Variants in RIGI observed in about 807,000 individuals in gnomAD.
RIGI encodes the protein RNA sensor RIG-I.
the RIGI span, chr9:32,498,324 A>G: frequency 2.2e-6 from 1 of 456,578 alleles, no homozygotes; most frequent in Non-Finnish European, 4.4e-6. Flanking sequence ...GCCCAGGTGC[A>G]TGCTTCTACT....
At chr9:32,459,379 C>T in the RIGI span, 1 of 1,613,448 alleles carries the variant, frequency 6.2e-7, no homozygotes, top group Admixed American at 1.7e-5. Context: ...ACCTCTATCA[C>T]TCTTACGTCA....
At chr9:32,499,312 A>ATTTTTTTTTTTTTT in the RIGI span, among the ~76,000 whole-genome samples, 1 of 32,322 alleles carries the variant, frequency 3.1e-5, no homozygotes, top group African/African-American at 1.3e-4. Context: ...AGAGTTTGTG[A>ATTTTTTTTTTTTTT]TTTGTTTTTT....
At chr9:32,526,090 AG>A in the RIGI span, 2 of 1,613,708 alleles carry the variant, frequency 1.2e-6, no homozygotes, top group South Asian at 2.2e-5. Context: ...CATGTAGCTC[AG>A]GATGTAGGTA....
chr9:32,494,570 C>T, the RIGI span, among the ~76,000 whole-genome samples: 2 of 152,080 alleles, frequency 1.3e-5, no homozygotes, highest in African/African-American at 4.8e-5. Flanking sequence ...ACCATCTTAA[C>T]TATTTTTAAA....
chr9:32,468,699 G>A, the RIGI span, among the ~76,000 whole-genome samples: 1 of 151,900 alleles, frequency 6.6e-6, no homozygotes, highest in Non-Finnish European at 1.5e-5. Flanking sequence ...GGGGCTTGAG[G>A]TTCCAGAAGT....
At chr9:32,477,198 T>C in the RIGI span, 42 of 1,563,342 alleles carry the variant, frequency 2.7e-5, no homozygotes, top group African/African-American at 4.8e-4. Flanking sequence ...CTGTGACCTT[T>C]AGCTATCGTT....
At chr9:32,502,222 T>G in the RIGI span, among the ~76,000 whole-genome samples, 1 of 152,260 alleles carries the variant, frequency 6.6e-6, no homozygotes, top group Admixed American at 6.5e-5. Flanking sequence ...AATATCCCAC[T>G]GTATGGATAC....
At chr9:32,499,312 A>ATTTGTTTTTTT in the RIGI span, among the ~76,000 whole-genome samples, 1 of 32,354 alleles carries the variant, frequency 3.1e-5, no homozygotes, top group Non-Finnish European at 5.7e-5. Flanking sequence ...AGAGTTTGTG[A>ATTTGTTTTTTT]TTTGTTTTTT....
chr9:32,489,808 T>G, the RIGI span, among the ~76,000 whole-genome samples: 1 of 152,268 alleles, frequency 6.6e-6, no homozygotes, highest in Admixed American at 6.5e-5. Context: ...CCCACGATCT[T>G]TGAAGAAAAC....
the RIGI span, among the ~76,000 whole-genome samples, chr9:32,463,338 T>C: frequency 4.6e-5 from 7 of 152,238 alleles, no homozygotes; most frequent in African/African-American, 1.7e-4. Context: ...AATCCCTGGG[T>C]TATATGATAC....
At chr9:32,485,515 T>C in the RIGI span, 1 of 599,650 alleles carries the variant, frequency 1.7e-6, no homozygotes, top group South Asian at 1.7e-5. Context: ...TTTCATGGTG[T>C]AGGTCTAACT....
the RIGI span, among the ~76,000 whole-genome samples, chr9:32,513,112 G>A: frequency 7.3e-5 from 11 of 151,654 alleles, no homozygotes; most frequent in Middle Eastern, 3.2e-3. Context: ...TCACGGGTAG[G>A]AAGAATCAAT....
At chr9:32,526,168 C>T in the RIGI span, 112 of 1,610,782 alleles carry the variant, frequency 7.0e-5, no homozygotes, top group Admixed American at 1.1e-3. Context: ...GGTGGTCATG[C>T]CGGCCTCTGC....
chr9:32,496,013 T>G, the RIGI span, among the ~76,000 whole-genome samples: 1 of 152,238 alleles, frequency 6.6e-6, no homozygotes, highest in African/African-American at 2.4e-5. Flanking sequence ...ATCAGGTATA[T>G]GATTTGCAAA....
the RIGI span, among the ~76,000 whole-genome samples, chr9:32,512,891 T>G: frequency 6.6e-6 from 1 of 151,948 alleles, no homozygotes; most frequent in African/African-American, 2.4e-5. Flanking sequence ...ACAAAATCAA[T>G]GTGCAAAAAT....
At chr9:32,475,249 G>A in the RIGI span, among the ~76,000 whole-genome samples, 1 of 152,092 alleles carries the variant, frequency 6.6e-6, no homozygotes, top group Non-Finnish European at 1.5e-5. Flanking sequence ...ACCATGCCCA[G>A]CCTCAGTTTT....
the RIGI span, among the ~76,000 whole-genome samples, chr9:32,524,489 C>A: frequency 2.0e-5 from 3 of 151,518 alleles, no homozygotes; most frequent in Non-Finnish European, 4.4e-5. Flanking sequence ...AGTTAGTTGC[C>A]GGTCTTAACG....
At chr9:32,506,613 T>A in the RIGI span, among the ~76,000 whole-genome samples, 2 of 151,924 alleles carry the variant, frequency 1.3e-5, no homozygotes, top group African/African-American at 4.8e-5. Context: ...TAATCTGGTT[T>A]GTTTTTCCAG....
chr9:32,526,192 C>A, the RIGI span: 9 of 1,593,020 alleles, frequency 5.6e-6, no homozygotes, highest in African/African-American at 1.1e-4. Context: ...CAGCTAGCTA[C>A]GTTCCCCGCA....
Sources: allele counts gnomAD v4.1 joint callset (sites outside exome capture counted in the v4.1 genomes callset), GRCh38; gene constraint gnomAD v4.1.1; transcripts MANE v1.5; gene names NCBI Gene and HGNC (gene_info 2026-07-23, HGNC 2026-07-21).